HPRT1: variants seen among roughly 807,000 people sequenced by gnomAD.
The protein encoded by HPRT1 is hypoxanthine phosphoribosyltransferase 1.
A neutral mutation model predicts 19.0 loss-of-function variants in HPRT1; 4 were observed. The ratio of observed to expected loss-of-function variants is 0.21; its 90% CI spans 0.10 to 0.48. HPRT1 has a LOEUF of 0.48. Among genes scored for constraint, HPRT1 ranks in the 20% least tolerant of loss-of-function variants. The pLI is 0.98. For synonymous variants in HPRT1, 53 were observed against 54.9 expected (o/e 0.97, Z 0.15); for missense variants, 65 against 164.0 (o/e 0.40, Z 3.30).
chrX:134,486,485 C>T lies in HPRT1; in HGVS notation c.339C>T (p.Asp113=). Residue 113 remains aspartate (D), a synonymous_variant, in exon 4 of 9, where the codon GAC becomes GAT. Transcript: ENST00000298556. ...KSYCNDQSTG[D]IKVIGGDDLS... Reference sequence around the variant, plus strand: ...ACTAGAATGACCAGTCAACAGGGGACATAAAAGTAATTGGTGGAGATGATC... The same window carrying T: ...ACTAGAATGACCAGTCAACAGGGGATATAAAAGTAATTGGTGGAGATGATC... 8.7e-7 allele frequency: 1 copy of T among 1,143,124 alleles called. No homozygotes were observed. Among genetic ancestry groups the T allele is most frequent in the Non-Finnish European group, 1.2e-6 (1 of 844,589 alleles). 94.2% of individuals were successfully genotyped at this position (1,143,124 alleles called of 1,213,427 possible).
intron 5 of HPRT1, 61 bp downstream of exon 5, chrX:134,490,266 C>A: frequency 3.1e-6 from 2 of 647,279 alleles, no homozygotes; most frequent in Non-Finnish European, 4.8e-6. Flanking sequence ...TATGCACCAT[C>A]CTAAAGGTAA....
chrX:134,474,783 T>G (rs1304051522), intron 2 of HPRT1, among the ~76,000 whole-genome samples: 3 of 111,826 alleles, frequency 2.7e-5, no homozygotes, highest in Non-Finnish European at 5.6e-5. Context: ...TTAAAAAAAA[T>G]TATGATAGTG....
chrX:134,479,306 G>T (rs2077633126), intron 3 of HPRT1, among the ~76,000 whole-genome samples: 1 of 108,025 alleles, frequency 9.3e-6, no homozygotes, highest in Non-Finnish European at 1.9e-5. Context: ...TCTCACTCTT[G>T]TCCCCCAGGC....
chrX:134,462,665 A>C, intron 1 of HPRT1, among the ~76,000 whole-genome samples: 2 of 111,998 alleles, frequency 1.8e-5, no homozygotes, highest in Middle Eastern at 4.7e-3. Flanking sequence ...CCCAGTATAT[A>C]GTGAATTTAA....
chrX:134,475,846 C>T (rs976016770), intron 3 of HPRT1, among the ~76,000 whole-genome samples: 1 of 111,402 alleles, frequency 9.0e-6, no homozygotes, highest in African/African-American at 3.3e-5. Flanking sequence ...GAGAGTAAGT[C>T]GCACCAGAAA....
intron 1 of HPRT1, among the ~76,000 whole-genome samples, chrX:134,466,941 GT>G (rs2077598325): frequency 9.3e-6 from 1 of 108,044 alleles, no homozygotes; most frequent in Non-Finnish European, 1.9e-5. Context: ...TAAATCACAA[GT>G]TTCTGGGCTT....
intron 6 of HPRT1, among the ~76,000 whole-genome samples, chrX:134,497,931 A>G (rs185918931): frequency 9.1e-6 from 1 of 109,372 alleles, no homozygotes; most frequent in East Asian, 2.9e-4. Flanking sequence ...TGGGCAACAG[A>G]GCGAGATTCC....
At chrX:134,475,440 C>G in intron 3 of HPRT1, 76 bp downstream of exon 3, 1 of 648,004 alleles carries the variant, frequency 1.5e-6, no homozygotes, top group Non-Finnish European at 2.4e-6. Context: ...TCTCTGCAAA[C>G]CATACTTGCT....
chrX:134,475,548 A>C (rs1027068533), intron 3 of HPRT1, among the ~76,000 whole-genome samples, 184 bp downstream of exon 3: 1 of 111,393 alleles, frequency 9.0e-6, no homozygotes, highest in African/African-American at 3.3e-5. Context: ...ACCTTGGAGG[A>C]TATATACTTA....
At chrX:134,481,499 G>A (rs761894372) in intron 3 of HPRT1, among the ~76,000 whole-genome samples, 3 of 93,037 alleles carry the variant, frequency 3.2e-5, no homozygotes, top group Admixed American at 1.2e-4. Context: ...ATCTCTATCT[G>A]TCTATCTCTA....
intron 1 of HPRT1, 156 bp downstream of exon 1, chrX:134,460,494 T>G (rs1296090706): frequency 1.2e-5 from 4 of 333,647 alleles, no homozygotes; most frequent in Non-Finnish European, 1.4e-5. Context: ...CGGCTTTACG[T>G]CACGCGAGGG....
At chrX:134,499,147 G>C (rs1199631747) in intron 8 of HPRT1, among the ~76,000 whole-genome samples, 1 of 111,441 alleles carries the variant, frequency 9.0e-6, no homozygotes, top group Non-Finnish European at 1.9e-5. Flanking sequence ...CTCCCACTTT[G>C]ATATGCTTGA....
intron 3 of HPRT1, among the ~76,000 whole-genome samples, chrX:134,476,288 G>T (rs191975725): frequency 3.7e-4 from 41 of 111,883 alleles, no homozygotes; most frequent in African/African-American, 1.3e-3. Context: ...AATCCTGTAG[G>T]TGATTGGGCA....
In HPRT1 at chrX:134,486,444, GTTTTT is replaced by G; in HGVS notation, c.319-11_319-7del. The G allele has an allele frequency of 1.4e-6, 1 of 720,012 alleles. No individual in the cohort carries two copies. Among genetic ancestry groups the G allele is most frequent in the Non-Finnish European group, 2.0e-6 (1 of 508,916 alleles). The allele number at this position is 720,012 out of a possible 1,213,427, so 59.3% of individuals were successfully genotyped here. ...GTGTGTGTAGATATATATATATATA[GTTTTT>G]TTTTTTTTTAACTAGAATGACCAGT... On this transcript the variant is annotated splice_polypyrimidine_tract_variant and intron_variant, in intron 3 of 8. Transcript: ENST00000298556.
chrX:134,470,095 A>G (rs1005330893), intron 1 of HPRT1, among the ~76,000 whole-genome samples: 1 of 112,646 alleles, frequency 8.9e-6, no homozygotes, highest in Non-Finnish European at 1.9e-5. Flanking sequence ...TCCCCCAAGA[A>G]TAGAAATTTT....
At chrX:134,462,423 C>T (rs1021806863) in intron 1 of HPRT1, among the ~76,000 whole-genome samples, 1 of 111,832 alleles carries the variant, frequency 8.9e-6, no homozygotes, top group Non-Finnish European at 1.9e-5. Context: ...CTCAGGTGAT[C>T]CACCCGCCTT....
intron 3 of HPRT1, among the ~76,000 whole-genome samples, chrX:134,481,247 G>A (rs1221420159): frequency 1.8e-5 from 2 of 111,023 alleles, no homozygotes; most frequent in African/African-American, 6.6e-5. Flanking sequence ...TGTATCCTCT[G>A]AGCTACATCT....
chrX:134,482,050 G>T (rs760481577), intron 3 of HPRT1, among the ~76,000 whole-genome samples: 1 of 111,081 alleles, frequency 9.0e-6, no homozygotes, highest in Non-Finnish European at 1.9e-5. Flanking sequence ...GTTTTTGTTT[G>T]TTTTTTGTTT....
intron 1 of HPRT1, among the ~76,000 whole-genome samples, chrX:134,470,251 G>T (rs2077607227): frequency 8.9e-6 from 1 of 111,882 alleles, no homozygotes; most frequent in Non-Finnish European, 1.9e-5. Flanking sequence ...CAGCCTCCTG[G>T]CCATGTGCAC....
Sources: allele counts gnomAD v4.1 joint callset (sites outside exome capture counted in the v4.1 genomes callset), GRCh38; gene constraint gnomAD v4.1.1; transcripts MANE v1.5; gene names NCBI Gene and HGNC (gene_info 2026-07-23, HGNC 2026-07-21).